The following PCSK9 variants were observed in gnomAD, a reference collection of about 807,000 sequenced individuals.
PCSK9 encodes the protein proprotein convertase subtilisin/kexin type 9, also known as convertase subtilisin/kexin type 9 preproprotein.
Under a neutral mutation model 62.1 loss-of-function variants are expected in PCSK9, and 57 were observed. The ratio of observed to expected loss-of-function variants is 0.92; its 90% confidence interval spans 0.74 to 1.14. The LOEUF (loss-of-function observed/expected upper bound fraction) is 1.14, where lower values mean the gene tolerates loss of function less well. Ranked by LOEUF, PCSK9 falls within the 50% of genes most tolerant of loss-of-function variation. The pLI is 0.00. For missense variants in PCSK9, 870 were observed against 959.8 expected, an observed-to-expected ratio of 0.91 and a Z score of 1.24; for synonymous variants, 387 against 409.4, an observed-to-expected ratio of 0.95 and a Z score of 0.66.
In PCSK9 at chr1:55,039,955, G is replaced by A. The variant is rs1416330878; in HGVS notation, c.118G>A (p.Glu40Lys). Reference protein sequence around the residue: ...AQEDEDGDYEELVLALRSEED... With the variant: ...AQEDEDGDYEKLVLALRSEED... ...GGAGGACGAGGACGGCGACTACGAG[G>A]AGCTGGTGCTAGCCTTGCGTTCCGA... is the stretch of plus-strand genomic sequence containing the variant. The change falls in exon 1 of 12, where the codon GAG (glutamate) becomes AAG (lysine). Residue 40 changes from glutamate (E) to lysine (K), a missense_variant. Glu to Lys is a moderately conservative substitution (Grantham distance 56). Coordinates refer to ENST00000302118, the MANE Select transcript of PCSK9 (RefSeq NM_174936.4). The A allele has an allele frequency of 7.0e-6, 11 of 1,576,990 alleles. No individual in the cohort carries two copies. Among genetic ancestry groups the A allele is most frequent in the Non-Finnish European group, 9.5e-6 (11 of 1,162,506 alleles).
intron 6 of PCSK9, 91 bp downstream of exon 6, chr1:55,056,280 G>A: frequency 8.0e-7 from 1 of 1,256,484 alleles, no homozygotes; most frequent in South Asian, 1.9e-5. Context: ...GCTTCTTGTG[G>A]CACGTGGGCT....
At position 55,043,983 on chromosome 1, in the gene PCSK9, T is replaced by C. The variant is rs1021107715; in HGVS notation, c.348T>C (p.His116=). ...GYLTKILHVF[H]GLLPGFLVKM... ...TCACCAAGATCCTGCATGTCTTCCATGGCCTTCTTCCTGGCTTCCTGGTGA... is the reference window on the plus strand; with the variant it reads ...TCACCAAGATCCTGCATGTCTTCCACGGCCTTCTTCCTGGCTTCCTGGTGA... The change falls in exon 2 of 12, where the codon CAT becomes CAC. Residue 116 remains histidine, a synonymous_variant. Coordinates refer to ENST00000302118, the MANE Select transcript of PCSK9 (RefSeq NM_174936.4). 1 of 1,614,222 alleles carries C rather than the reference T, an allele frequency of 6.2e-7. No individual in the cohort carries two copies. The highest frequency in any genetic ancestry group is 1.1e-5 in the South Asian group (1 of 91,082).
chr1:55,042,735 C>T (rs1456286703), intron 1 of PCSK9, among the ~76,000 whole-genome samples: 1 of 152,138 alleles, frequency 6.6e-6, no homozygotes, highest in African/African-American at 2.4e-5. Flanking sequence ...CAGACAAGAG[C>T]TAAAAACCAA....
At position 55,039,588 on chromosome 1, in the gene PCSK9, G is replaced by A. The variant is rs568918099; in HGVS notation, c.-250G>A. On this transcript the variant is annotated 5_prime_UTR_variant, in exon 1 of 12. Transcript: ENST00000302118. ...CTCATGGTTGCAGGCGGGCGCCGCC[G>A]TTCAGTTCAGGGTCTGAGCCTGGAG... The A allele has an allele frequency of 6.8e-6, 4 of 586,138 alleles. No homozygotes were observed. In the South Asian group the frequency reaches 8.3e-5, roughly 12 times the overall value. 36.3% of individuals were successfully genotyped at this position (586,138 alleles called of 1,614,324 possible).
At chr1:55,058,735 G>C (rs938173371) in intron 9 of PCSK9, 88 bp downstream of exon 9, 1 of 1,544,590 alleles carries the variant, frequency 6.5e-7, no homozygotes, top group Non-Finnish European at 8.7e-7. Context: ...TGGGCCCTCA[G>C]GGACCCCCAG....
At chr1:55,044,728 A>G (rs1347708239) in intron 2 of PCSK9, among the ~76,000 whole-genome samples, 5 of 152,182 alleles carry the variant, frequency 3.3e-5, no homozygotes, top group African/African-American at 1.2e-4. Context: ...AGCCTCCTGC[A>G]GACAGTGAGG....
rs1180452405 is a variant in PCSK9 at position 55,064,073 on chromosome 1, T to A, written c.*489T>A. On this transcript the variant is annotated 3_prime_UTR_variant, in exon 12 of 12. Transcript: ENST00000302118. ...CTGATGGCCCTCATCTCCAGCTAAC[T>A]GTGGAGAAGCCCCTGGGGGCTCCCT... 1 of 158,014 alleles carries A rather than the reference T, an allele frequency of 6.3e-6. No individual in the cohort carries two copies. Among genetic ancestry groups the A allele is most frequent in the Non-Finnish European group, 1.4e-5 (1 of 71,936 alleles). 9.8% of individuals were successfully genotyped at this position (158,014 alleles called of 1,614,324 possible). A position where few individuals can be genotyped will look rare whatever the true frequency, so the allele number is the denominator to read the frequency against.
chr1:55,063,707 G>A lies in PCSK9; in HGVS notation c.*123G>A, dbSNP rs1286548447. On this transcript the variant is annotated 3_prime_UTR_variant, in exon 12 of 12. Transcript: ENST00000302118. ...GGCACGAGGGGATGGGGATGCTTCC[G>A]CCTTTCCGGGGCTGCTGGCCTGGCC... The A allele has an allele frequency of 7.6e-6, 9 of 1,186,124 alleles. No homozygotes were observed. In the East Asian group the frequency reaches 7.7e-5, roughly 10 times the overall value. 73.5% of individuals were successfully genotyped at this position (1,186,124 alleles called of 1,614,324 possible). A position where few individuals can be genotyped will look rare whatever the true frequency, so the allele number is the denominator to read the frequency against.
chr1:55,052,092 T>C (rs1319348486), intron 3 of PCSK9, 186 bp from the exon 4 acceptor site: 10 of 854,794 alleles, frequency 1.2e-5, no homozygotes, highest in Non-Finnish European at 1.9e-5. Context: ...GGCCTCCCTT[T>C]CCTTGTCTAT....
chr1:55,051,079 A>T, intron 3 of PCSK9: 1 of 452,686 alleles, frequency 2.2e-6, no homozygotes, highest in Non-Finnish European at 4.4e-6. Flanking sequence ...TTCTTCCCAG[A>T]GCCTTCGCTG....
rs116251210 is a variant in PCSK9, at chr1:55,045,154, G to A, written c.399+1120G>A. ...TTGGGGAGAGACGAAGAAGGTACCC[G>A]TATAGCACCAGATGACAGGCACGAG... On this transcript the variant is annotated intron_variant, in intron 2 of 11. Coordinates refer to ENST00000302118, the MANE Select transcript of PCSK9 (RefSeq NM_174936.4). Among the ~76,000 whole-genome samples the A allele has an allele frequency of 6.4e-3, 981 of 152,142 alleles. 13 individuals are homozygous for A. The highest frequency in any genetic ancestry group is 0.023 in the African/African-American group (938 of 41,492).
At position 55,063,481 on chromosome 1, in the gene PCSK9, G is replaced by C; in HGVS notation, c.1976G>C (p.Arg659Pro). 1 of 1,613,944 alleles carries C rather than the reference G, an allele frequency of 6.2e-7. No homozygotes were observed. Among genetic ancestry groups the C allele is most frequent in the Non-Finnish European group, 8.5e-7 (1 of 1,179,868 alleles). Reference protein sequence around the residue: ...AVDNTCVVRSRDVSTTGSTSE... With the variant: ...AVDNTCVVRSPDVSTTGSTSE... Reference sequence around the variant, plus strand: ...GACAACACGTGTGTAGTCAGGAGCCGGGACGTCAGCACTACAGGCAGCACC... The same window carrying C: ...GACAACACGTGTGTAGTCAGGAGCCCGGACGTCAGCACTACAGGCAGCACC... The change falls in exon 12 of 12, where the codon CGG becomes CCG. Residue 659 changes from arginine (R) to proline (P), a missense_variant. Transcript: ENST00000302118.
chr1:55,057,894 G>A, intron 7 of PCSK9, 142 bp from the exon 8 acceptor site: 3 of 1,205,192 alleles, frequency 2.5e-6, no homozygotes, highest in Non-Finnish European at 3.6e-6. Flanking sequence ...ACTGCAGGCG[G>A]CTTACCTTCG....
chr1:55,041,935 A>C (rs988566884), intron 1 of PCSK9, among the ~76,000 whole-genome samples: 1 of 151,980 alleles, frequency 6.6e-6, no homozygotes, highest in African/African-American at 2.4e-5. Flanking sequence ...TAAGGAGCAC[A>C]TGTCCACAGT....
Position 55,044,032 on chromosome 1 carries a change from C to T in PCSK9, c.397C>T (p.Leu133=), listed in dbSNP as rs377361152. ...LVKMSGDLLE[L]ALKLPHVDYI... The stretch of plus-strand genomic sequence containing the variant: ...GAAGATGAGTGGCGACCTGCTGGAG[C>T]TGGTGAGCCACCCTTTTTGGGAATG... The change falls in exon 2 of 12, where the codon CTG becomes TTG. Residue 133 remains leucine, a splice_region_variant and synonymous_variant. Coordinates refer to ENST00000302118, the MANE Select transcript of PCSK9 (RefSeq NM_174936.4). The T allele has an allele frequency of 3.7e-6, 6 of 1,614,052 alleles. No individual in the cohort carries two copies. Among genetic ancestry groups the T allele is most frequent in the Non-Finnish European group, 5.1e-6 (6 of 1,180,036 alleles).
rs36120999 is a variant in PCSK9, at chr1:55,059,523, CT to C, written c.1545del (p.Phe515LeufsTer65). 1 of 1,565,504 alleles carries C rather than the reference CT, an allele frequency of 6.4e-7. No homozygotes were observed. The highest frequency in any genetic ancestry group is 2.3e-5 in the East Asian group (1 of 42,890). On this transcript the variant is annotated frameshift_variant, in exon 10 of 12. Coordinates refer to ENST00000302118, the MANE Select transcript of PCSK9 (RefSeq NM_174936.4). LOFTEE classifies it high-confidence loss of function. ...AAGCTGGTCTGCCGGGCCCACAACG[CT>C]TTTGGGGGTGAGGGTGTCTACGCCA... ...GGKLVCRAHNAFGGEGVYAIA... is the reference protein window; with the variant it reads ...GGKLVCRAHNXFGGEGVYAIA...
rs1570311846 is a variant in PCSK9, at chr1:55,063,860, C to T, written c.*276C>T. On this transcript the variant is annotated 3_prime_UTR_variant, in exon 12 of 12. Transcript: ENST00000302118. Reference sequence around the variant, plus strand: ...CCATTCAAACAGGTCGAGCTGTGCTCGGGTGCTGCCAGCTGCTCCCAATGT... The same window carrying T: ...CCATTCAAACAGGTCGAGCTGTGCTTGGGTGCTGCCAGCTGCTCCCAATGT... 16 of 523,248 alleles carry T rather than the reference C, an allele frequency of 3.1e-5. No homozygotes were observed. Among genetic ancestry groups the T allele is most frequent in the East Asian group, 2.5e-4 (8 of 31,746 alleles). The allele number at this position is 523,248 out of a possible 1,614,324, so 32.4% of individuals were successfully genotyped here.
chr1:55,057,614 G>A, intron 7 of PCSK9, 100 bp downstream of exon 7: 5 of 1,398,140 alleles, frequency 3.6e-6, no homozygotes, highest in East Asian at 2.5e-5. Context: ...CTGTGCAGGG[G>A]GACCAGAGAT....
In PCSK9 at chr1:55,043,600, C is replaced by T. The variant is rs145128768; in HGVS notation, c.208-243C>T. ...GGAAAACCTGTTGTCGAGTGTGGCC[C>T]GTAGTTCCCATTTTTGCCTGAATGG... On this transcript the variant is annotated intron_variant, in intron 1 of 11. Transcript: ENST00000302118. 6.7e-3 allele frequency among the ~76,000 whole-genome samples: 1,017 copies of T among 152,284 alleles called. 9 individuals are homozygous for T. The highest frequency in any genetic ancestry group is 0.021 in the African/African-American group (868 of 41,548).
Sources: gnomAD v4.1 joint callset for allele counts (sites outside exome capture counted in the v4.1 genomes callset) on GRCh38, gnomAD v4.1.1 for gene constraint, MANE v1.5 for transcripts, NCBI Gene and HGNC (gene_info 2026-07-23, HGNC 2026-07-21) for gene names.